ZMYM5: variants seen among roughly 807,000 people sequenced by gnomAD.
The protein encoded by ZMYM5 is zinc finger MYM-type protein 5.
Under a neutral mutation model 61.8 loss-of-function variants are expected in ZMYM5, and 41 were observed. That is an observed-to-expected ratio of 0.66 (90% CI 0.52 to 0.86). The LOEUF (loss-of-function observed/expected upper bound fraction) is 0.86. Ranked by LOEUF, ZMYM5 falls within the 40% of genes least tolerant of loss-of-function variation. ZMYM5 has a pLI of 0.00. For synonymous variants in ZMYM5, 257 were observed against 276.4 expected, an observed-to-expected ratio of 0.93 and a Z score of 0.70; for missense variants, 706 against 786.7, an observed-to-expected ratio of 0.90 and a Z score of 1.23.
Position 19,856,720 on chromosome 13 carries a change from G to C in ZMYM5, c.-10-4530C>G, listed in dbSNP as rs556582174. 1.5e-4 allele frequency among the ~76,000 whole-genome samples: 23 copies of C among 152,248 alleles called. No individual in the cohort carries two copies. The East Asian group carries it at 2.3e-3, about 15-fold the overall frequency. ...AGCCACTCAGGAGACTGAGGCAAGA[G>C]AATCGCTTGAACCCGGGAGGTAGAA... On this transcript the variant is annotated intron_variant, in intron 2 of 7. Transcript: ENST00000337963.
At position 19,827,278 on chromosome 13, in the gene ZMYM5, T is replaced by C. The variant is rs184962866; in HGVS notation, c.1252-2043A>G. Among the ~76,000 whole-genome samples the C allele has an allele frequency of 2.0e-5, 3 of 152,284 alleles. No homozygotes were observed. In the East Asian group the frequency reaches 5.8e-4, roughly 29 times the overall value. Reference sequence around the variant, plus strand: ...AAATTTTCATAAATAATTCCTTCAATACATGGGCCCAAACACACACAAATA... The same window carrying C: ...AAATTTTCATAAATAATTCCTTCAACACATGGGCCCAAACACACACAAATA... On this transcript the variant is annotated intron_variant, in intron 7 of 7. Transcript: ENST00000337963.
chr13:19,847,381 T>C (rs767442743), intron 4 of ZMYM5, among the ~76,000 whole-genome samples: 7 of 152,236 alleles, frequency 4.6e-5, no homozygotes, highest in Non-Finnish European at 8.8e-5. Flanking sequence ...TCCTCCCTTC[T>C]CCAACCACCT....
At chr13:19,839,926 G>A (rs1459076284) in intron 4 of ZMYM5, among the ~76,000 whole-genome samples, 1 of 152,134 alleles carries the variant, frequency 6.6e-6, no homozygotes, top group Non-Finnish European at 1.5e-5. Flanking sequence ...ATAAATTACT[G>A]TTAGCTTCAA....
rs1890803430 is a variant in ZMYM5 at position 19,824,371 on chromosome 13, C to T, written c.*106G>A. 7.2e-6 allele frequency: 7 copies of T among 978,484 alleles called. No homozygotes were observed. The South Asian group carries it at 1.5e-4, about 22-fold the overall frequency. 60.6% of individuals were successfully genotyped at this position (978,484 alleles called of 1,614,324 possible). On this transcript the variant is annotated 3_prime_UTR_variant, in exon 8 of 8. Coordinates refer to ENST00000337963, the MANE Select transcript of ZMYM5 (RefSeq NM_001142684.2). ...ATTGCTAAGGAACTGCTGCAAGTTA[C>T]TCTGTAGAGGAGACTTACAACACAA...
intron 7 of ZMYM5, among the ~76,000 whole-genome samples, chr13:19,833,202 G>A (rs1952578998): frequency 6.6e-6 from 1 of 152,102 alleles, no homozygotes; most frequent in South Asian, 2.1e-4. Context: ...TTCGATAAAA[G>A]CCTAGCAATT....
At chr13:19,829,045 T>C (rs1039967220) in intron 7 of ZMYM5, among the ~76,000 whole-genome samples, 4 of 152,188 alleles carry the variant, frequency 2.6e-5, no homozygotes, top group Admixed American at 2.0e-4. Context: ...GAAGTTGCAG[T>C]GAGCAGAGCT....
At chr13:19,837,510 T>C in intron 6 of ZMYM5, 146 bp downstream of exon 6, 1 of 1,598,906 alleles carries the variant, frequency 6.3e-7, no homozygotes. Flanking sequence ...ATAAGATAGT[T>C]CTAACATATC....
intron 7 of ZMYM5, among the ~76,000 whole-genome samples, chr13:19,830,984 T>G (rs1356306901): frequency 6.6e-6 from 1 of 151,112 alleles, no homozygotes; most frequent in Non-Finnish European, 1.5e-5. Context: ...GGACTACAGG[T>G]GCCTGCCACC....
chr13:19,845,886 T>C (rs904531361), intron 4 of ZMYM5, among the ~76,000 whole-genome samples: 1 of 152,172 alleles, frequency 6.6e-6, no homozygotes, highest in African/African-American at 2.4e-5. Flanking sequence ...TGGGTTTCAT[T>C]ACGTAGGCAT....
chr13:19,852,145 A>T lies in ZMYM5; in HGVS notation c.36T>A (p.Thr12=). 6.2e-7 allele frequency: 1 copy of T among 1,611,136 alleles called. No individual in the cohort carries two copies. The highest frequency in any genetic ancestry group is 8.5e-7 in the Non-Finnish European group (1 of 1,179,594). Reference sequence around the variant, plus strand: ...TCCCTAATAAAGCAGGAGTCTGTTCAGTCAACTCTAATCCTCCCACTGAAC... The same window carrying T: ...TCCCTAATAAAGCAGGAGTCTGTTCTGTCAACTCTAATCCTCCCACTGAAC... ...EKCSVGGLEL[T]EQTPALLGNM... Residue 12 remains threonine (T), a synonymous_variant, in exon 3 of 8, where the codon ACT becomes ACA. Coordinates refer to ENST00000337963, the MANE Select transcript of ZMYM5 (RefSeq NM_001142684.2).
chr13:19,856,333 CAG>C (rs1269980809), intron 2 of ZMYM5, among the ~76,000 whole-genome samples: 5 of 152,026 alleles, frequency 3.3e-5, no homozygotes, highest in Admixed American at 3.3e-4. Context: ...TGGTCCATAT[CAG>C]AGAGTGCAAA....
chr13:19,858,433 A>G (rs542248730), intron 2 of ZMYM5, among the ~76,000 whole-genome samples: 1 of 151,796 alleles, frequency 6.6e-6, no homozygotes, highest in East Asian at 1.9e-4. Flanking sequence ...AAAAATACAA[A>G]AATTAGCCAG....
At chr13:19,835,949 A>T (rs1391666245) in intron 6 of ZMYM5, among the ~76,000 whole-genome samples, 1 of 151,708 alleles carries the variant, frequency 6.6e-6, no homozygotes, top group Non-Finnish European at 1.5e-5. Context: ...TCAGCCTCCC[A>T]AGTAGCTGGG....
chr13:19,852,856 GTTTTC>G (rs1017589949), intron 2 of ZMYM5, among the ~76,000 whole-genome samples: 5 of 152,090 alleles, frequency 3.3e-5, no homozygotes, highest in African/African-American at 9.7e-5. Context: ...CTAAAAATTC[GTTTTC>G]TTTTGAGAGA....
intron 5 of ZMYM5, among the ~76,000 whole-genome samples, chr13:19,838,476 G>C (rs2138526897): frequency 6.6e-6 from 1 of 152,240 alleles, no homozygotes; most frequent in African/African-American, 2.4e-5. Context: ...CAGGGAGAGG[G>C]GCAATTGATT....
intron 2 of ZMYM5, among the ~76,000 whole-genome samples, chr13:19,853,683 C>CCCCCACCTCCCAGGCTCAAGTGAT (rs1482597810): frequency 1.3e-5 from 2 of 151,424 alleles, no homozygotes; most frequent in East Asian, 3.9e-4. Context: ...CTCACTGCAA[C>CCCCCACCTCCCAGGCTCAAGTGAT]CCCCACCTCC....
At chr13:19,846,952 T>C (rs1205619222) in intron 4 of ZMYM5, among the ~76,000 whole-genome samples, 1 of 151,938 alleles carries the variant, frequency 6.6e-6, no homozygotes, top group African/African-American at 2.4e-5. Context: ...ATAAACAGTA[T>C]GAAAAAAATT....
intron 2 of ZMYM5, among the ~76,000 whole-genome samples, chr13:19,858,578 G>T: frequency 1.1e-5 from 1 of 92,188 alleles, no homozygotes; most frequent in South Asian, 4.4e-4. Flanking sequence ...ACTGAGAGAC[G>T]CTGTTTCAAA....
intron 7 of ZMYM5, among the ~76,000 whole-genome samples, chr13:19,831,073 C>T (rs773066627): frequency 6.6e-5 from 10 of 150,650 alleles, no homozygotes; most frequent in Non-Finnish European, 1.3e-4. Context: ...TCTCCTGACC[C>T]GCCTTGGCCT....
Sources: gnomAD v4.1 joint callset for allele counts (sites outside exome capture counted in the v4.1 genomes callset) on GRCh38, gnomAD v4.1.1 for gene constraint, MANE v1.5 for transcripts, NCBI Gene and HGNC (gene_info 2026-07-23, HGNC 2026-07-21) for gene names.